WNK1: variants seen among roughly 807,000 people sequenced by gnomAD.
WNK1 encodes serine/threonine-protein kinase WNK1.
Under a neutral mutation model 222.8 loss-of-function variants are expected in WNK1, and 38 were observed. That is an observed-to-expected ratio of 0.17 (90% CI 0.13 to 0.22). WNK1 has a LOEUF of 0.22. Ranked by LOEUF, WNK1 falls within the 10% of genes least tolerant of loss-of-function variation. The pLI is 1.00. For missense variants in WNK1, 2,348 were observed against 2,918.4 expected, an observed-to-expected ratio of 0.80 and a Z score of 4.50; for synonymous variants, 1,090 against 1,092.9, an observed-to-expected ratio of 1.00 and a Z score of 0.05.
intron 8 of WNK1, chr12:864,985 A>G: frequency 7.9e-7 from 1 of 1,260,400 alleles, no homozygotes; most frequent in Admixed American, 3.0e-5. Flanking sequence ...AAAAAAACTG[A>G]CTTTGTGGAA....
intron 8 of WNK1, among the ~76,000 whole-genome samples, chr12:869,983 C>T (rs965970931): frequency 6.6e-6 from 1 of 152,076 alleles, no homozygotes; most frequent in Non-Finnish European, 1.5e-5. Context: ...TTCAAAAGTA[C>T]AGTCAGTGTT....
At chr12:791,930 C>T (rs1944880131) in intron 1 of WNK1, among the ~76,000 whole-genome samples, 1 of 152,160 alleles carries the variant, frequency 6.6e-6, no homozygotes, top group African/African-American at 2.4e-5. Flanking sequence ...TAGGGAATAG[C>T]AGCTTTATTC....
At chr12:817,732 A>G (rs539704403) in intron 2 of WNK1, among the ~76,000 whole-genome samples, 35 of 152,276 alleles carry the variant, frequency 2.3e-4, no homozygotes, top group African/African-American at 7.2e-4. Flanking sequence ...TGAGGTCAGG[A>G]TCACCTGAGG....
chr12:754,205 A>G lies in WNK1; in HGVS notation c.640A>G (p.Met214Val), dbSNP rs1389353886. 1.9e-6 allele frequency: 3 copies of G among 1,613,688 alleles called. No individual in the cohort carries two copies. The African/African-American group carries it at 4.0e-5, about 22-fold the overall frequency. Residue 214 changes from methionine (M) to valine (V), a missense_variant, in exon 1 of 28, where the codon ATG (methionine) becomes GTG (valine). This residue lies in a region of WNK1 where 57 missense variants were observed against 219.0 expected (regional missense o/e 0.26). Coordinates refer to ENST00000315939, the MANE Select transcript of WNK1 (RefSeq NM_018979.4). ...AGAGCTGGAGACCAAGGCCGTGGGA[A>G]TGTCTAACGATGGCCGCTTTCTCAA... ...IEELETKAVG[M>V]SNDGRFLKFD...
chr12:806,682 TAG>T (rs1259700849), intron 1 of WNK1, among the ~76,000 whole-genome samples: 1 of 152,164 alleles, frequency 6.6e-6, no homozygotes, highest in African/African-American at 2.4e-5. Context: ...CATGGAATTA[TAG>T]AGATTGCCTG....
chr12:766,625 C>T lies in WNK1; in HGVS notation c.759+12301C>T, dbSNP rs1221376824. On this transcript the variant is annotated intron_variant, in intron 1 of 27. Transcript: ENST00000315939. ...TCCCGAGTAGCTGGGACTACAGGCG[C>T]GCACCACCATGCCCAGCTAATTTTT... 6.7e-5 allele frequency among the ~76,000 whole-genome samples: 10 copies of T among 149,516 alleles called. No homozygotes were observed. The East Asian group carries it at 1.2e-3, about 18-fold the overall frequency.
At chr12:830,220 T>C in intron 4 of WNK1, 60 bp downstream of exon 4, 1 of 1,576,078 alleles carries the variant, frequency 6.3e-7, no homozygotes, top group Non-Finnish European at 8.7e-7. Flanking sequence ...AATCCCAAGG[T>C]GGATGACATC....
intron 1 of WNK1, among the ~76,000 whole-genome samples, chr12:784,779 G>T (rs995935429): frequency 6.6e-6 from 1 of 152,280 alleles, no homozygotes; most frequent in South Asian, 2.1e-4. Flanking sequence ...TGATGCTTAG[G>T]TTGGGGATCT....
At chr12:778,377 G>C (rs1464464512) in intron 1 of WNK1, among the ~76,000 whole-genome samples, 1 of 151,420 alleles carries the variant, frequency 6.6e-6, no homozygotes, top group Non-Finnish European at 1.5e-5. Flanking sequence ...CTGTCACCCA[G>C]GCTAGAGTGC....
chr12:816,785 T>A (rs1202989526), intron 2 of WNK1, among the ~76,000 whole-genome samples: 1 of 152,102 alleles, frequency 6.6e-6, no homozygotes, highest in East Asian at 1.9e-4. Flanking sequence ...GACCTCACAA[T>A]TAAATTACAA....
chr12:822,087 C>CTTTTTTTTTTTTT (rs376271992), intron 2 of WNK1, among the ~76,000 whole-genome samples: 1 of 71,430 alleles, frequency 1.4e-5, no homozygotes, highest in Non-Finnish European at 2.5e-5. Flanking sequence ...TGTCTTATAC[C>CTTTTTTTTTTTTT]TTTTTTTTTT....
At chr12:768,079 T>A (rs565145917) in intron 1 of WNK1, among the ~76,000 whole-genome samples, 2 of 152,250 alleles carry the variant, frequency 1.3e-5, no homozygotes, top group African/African-American at 4.8e-5. Context: ...GAGGGGCTAG[T>A]TTAGGTTTTA....
chr12:775,448 G>A (rs12315850), intron 1 of WNK1, among the ~76,000 whole-genome samples: 7,926 of 152,150 alleles, frequency 0.052, 395 homozygotes, highest in African/African-American at 0.11. Flanking sequence ...GAAGTTTGAC[G>A]TGTAATCCCA....
intron 8 of WNK1, chr12:865,304 G>A: frequency 6.5e-7 from 1 of 1,536,072 alleles, no homozygotes; most frequent in Non-Finnish European, 8.7e-7. Flanking sequence ...TCCTGCCTAT[G>A]CACTCTGCCT....
At chr12:882,919 A>T in intron 14 of WNK1, 24 bp from the exon 15 acceptor site, 1 of 1,411,948 alleles carries the variant, frequency 7.1e-7, no homozygotes, top group South Asian at 1.2e-5. Context: ...GTCTTTGGAG[A>T]TGATGTACCT....
At chr12:848,756 AAG>A (rs1387316609) in intron 4 of WNK1, among the ~76,000 whole-genome samples, 2 of 152,134 alleles carry the variant, frequency 1.3e-5, no homozygotes, top group Non-Finnish European at 2.9e-5. Flanking sequence ...CTTTGAGAGA[AAG>A]AGGAATAAGT....
chr12:786,141 C>A (rs1944283823), intron 1 of WNK1, among the ~76,000 whole-genome samples: 3 of 152,234 alleles, frequency 2.0e-5, no homozygotes, highest in Admixed American at 2.0e-4. Context: ...GGGAAAAAAT[C>A]TGTATTTGTT....
rs749053498 is a variant in WNK1, at chr12:880,983, A to G, written c.3095A>G (p.Gln1032Arg). The G allele has an allele frequency of 6.2e-7, 1 of 1,614,188 alleles. No individual in the cohort carries two copies. The highest frequency in any genetic ancestry group is 8.5e-7 in the Non-Finnish European group (1 of 1,180,020). ...SLAQAPTTSS[Q>R]QAVLESTQGV... is the part of the protein sequence containing the mutation. ...GCACAAGCCCCCACTACATCCTCCCAGCAAGCAGTTTTGGAGGTAAATAGA... is the reference window on the plus strand; with the variant it reads ...GCACAAGCCCCCACTACATCCTCCCGGCAAGCAGTTTTGGAGGTAAATAGA... Residue 1032 changes from glutamine (Q) to arginine (R), a missense_variant, in exon 12 of 28, where the codon CAG becomes CGG. Gln to Arg is a conservative substitution (Grantham distance 43). This residue lies in a region of WNK1 where 547 missense variants were observed against 558.3 expected (regional missense o/e 0.98). Coordinates refer to ENST00000315939, the MANE Select transcript of WNK1 (RefSeq NM_018979.4).
chr12:896,803 A>T (rs1007773659), intron 24 of WNK1, 71 bp downstream of exon 24: 191 of 1,546,488 alleles, frequency 1.2e-4, no homozygotes, highest in Non-Finnish European at 1.6e-4. Context: ...GCCAAGATTA[A>T]TAATATTTTT....
Sources: gnomAD v4.1 joint callset for allele counts (sites outside exome capture counted in the v4.1 genomes callset) on GRCh38, gnomAD v4.1.1 for gene constraint, gnomAD v4.1.1 regional missense constraint, MANE v1.5 for transcripts, NCBI Gene and HGNC (gene_info 2026-07-23, HGNC 2026-07-21) for gene names.